The following MIS18A variants were observed in gnomAD, a reference collection of about 807,000 sequenced individuals.
MIS18A encodes protein Mis18-alpha.
Under a neutral mutation model 25.0 loss-of-function variants are expected in MIS18A, and 14 were observed. The ratio of observed to expected loss-of-function variants is 0.56; its 90% CI spans 0.37 to 0.88. The LOEUF (loss-of-function observed/expected upper bound fraction) is 0.88. Among genes scored for constraint, MIS18A ranks in the 40% least tolerant of loss-of-function variants. MIS18A has a pLI of 0.00. For synonymous variants in MIS18A, 134 were observed against 118.6 expected (o/e 1.13, Z -0.84); for missense variants, 292 against 290.8 (o/e 1.00, Z -0.03).
the MIS18A span, among the ~76,000 whole-genome samples, chr21:32,231,496 G>A: frequency 2.6e-5 from 4 of 152,090 alleles, no homozygotes; most frequent in Non-Finnish European, 4.4e-5. Context: ...GCGATATCAC[G>A]TCACACCCAC....
the MIS18A span, among the ~76,000 whole-genome samples, chr21:32,263,142 G>A: frequency 2.6e-5 from 4 of 152,108 alleles, no homozygotes; most frequent in Non-Finnish European, 4.4e-5. Flanking sequence ...ATTGTCTCTG[G>A]GTGTTCACTG....
At chr21:32,211,950 C>T in the MIS18A span, among the ~76,000 whole-genome samples, 1 of 152,182 alleles carries the variant, frequency 6.6e-6, no homozygotes, top group Non-Finnish European at 1.5e-5. Context: ...CATACCCTAT[C>T]TCTCCCCTGG....
the MIS18A span, among the ~76,000 whole-genome samples, chr21:32,218,367 C>T: frequency 3.9e-5 from 6 of 152,012 alleles, no homozygotes; most frequent in African/African-American, 1.2e-4. Context: ...AAGATAACTA[C>T]GTAGTAAGTA....
At chr21:32,276,387 G>A (rs1238861363) in intron 1 of MIS18A, among the ~76,000 whole-genome samples, 1 of 146,240 alleles carries the variant, frequency 6.8e-6, no homozygotes, top group Non-Finnish European at 1.5e-5. Flanking sequence ...CGTGAACCCG[G>A]GAGGTGGAGC....
rs35391189 is a variant in MIS18A at position 32,276,235 on chromosome 21, C to T, written c.335-1339G>A. 3.9e-3 allele frequency among the ~76,000 whole-genome samples: 595 copies of T among 151,700 alleles called. 4 individuals are homozygous for T. The highest frequency in any genetic ancestry group is 6.7e-3 in the Non-Finnish European group (452 of 67,856). Reference sequence around the variant, plus strand: ...CAGCACTTTGGGAGGCCGAGGCAGGCGGATCATGAGGTCAGGAGATCGAGA... The same window carrying T: ...CAGCACTTTGGGAGGCCGAGGCAGGTGGATCATGAGGTCAGGAGATCGAGA... On this transcript the variant is annotated intron_variant, in intron 1 of 4. Transcript: ENST00000290130.
chr21:32,204,504 A>G, the MIS18A span, among the ~76,000 whole-genome samples: 318 of 148,896 alleles, frequency 2.1e-3, no homozygotes, highest in African/African-American at 7.6e-3. Flanking sequence ...CTCAGAAAAA[A>G]AAGAAAAAAG....
At chr21:32,217,776 C>G in the MIS18A span, among the ~76,000 whole-genome samples, 2 of 151,884 alleles carry the variant, frequency 1.3e-5, no homozygotes, top group African/African-American at 4.8e-5. Context: ...CATCAGAATC[C>G]ATGGAATCGG....
chr21:32,242,272 G>A, the MIS18A span, among the ~76,000 whole-genome samples: 1 of 152,206 alleles, frequency 6.6e-6, no homozygotes, highest in African/African-American at 2.4e-5. Flanking sequence ...GGATGATAAG[G>A]CTCCATGGCC....
the MIS18A span, among the ~76,000 whole-genome samples, chr21:32,211,161 C>G: frequency 6.6e-6 from 1 of 152,170 alleles, no homozygotes; most frequent in Non-Finnish European, 1.5e-5. Flanking sequence ...CTGTCTCAGC[C>G]TCCCATGTAG....
At chr21:32,211,961 C>T in the MIS18A span, among the ~76,000 whole-genome samples, 1 of 152,182 alleles carries the variant, frequency 6.6e-6, no homozygotes, top group Non-Finnish European at 1.5e-5. Flanking sequence ...TCTCCCCTGG[C>T]ACTCTGATTT....
downstream of MIS18A, among the ~76,000 whole-genome samples, chr21:32,265,545 G>A (rs544790551): frequency 3.1e-4 from 47 of 152,332 alleles, no homozygotes; most frequent in African/African-American, 1.0e-3. Flanking sequence ...TGGATTTCTC[G>A]CCAGGCCTTA....
chr21:32,231,522 C>A, the MIS18A span, among the ~76,000 whole-genome samples: 2 of 152,080 alleles, frequency 1.3e-5, no homozygotes, highest in African/African-American at 4.8e-5. Context: ...TGGCTAGAAT[C>A]TAAAAGACAG....
the MIS18A span, among the ~76,000 whole-genome samples, chr21:32,172,106 T>C: frequency 6.6e-6 from 1 of 151,962 alleles, no homozygotes; most frequent in Admixed American, 6.6e-5. Flanking sequence ...CCTCACACCT[T>C]TTAGGATGGC....
the MIS18A span, among the ~76,000 whole-genome samples, chr21:32,212,951 C>A: frequency 6.6e-6 from 1 of 152,182 alleles, no homozygotes; most frequent in Non-Finnish European, 1.5e-5. Context: ...ATTACCCAGT[C>A]TCGGGTATAT....
the MIS18A span, among the ~76,000 whole-genome samples, chr21:32,158,039 G>C: frequency 6.6e-6 from 1 of 152,112 alleles, no homozygotes; most frequent in Admixed American, 6.5e-5. Context: ...AATTTGATAA[G>C]CATTTACAAT....
At chr21:32,243,276 G>T in the MIS18A span, among the ~76,000 whole-genome samples, 11 of 152,100 alleles carry the variant, frequency 7.2e-5, no homozygotes, top group African/African-American at 2.4e-4. Context: ...TCAGTGAAAA[G>T]TTAAGAGAAT....
At chr21:32,277,828 T>G (rs1470519470) in intron 1 of MIS18A, 1 of 152,158 alleles carries the variant, frequency 6.6e-6, no homozygotes, top group African/African-American at 2.4e-5. Context: ...CAACTTTCAG[T>G]TAACTACTGG....
In MIS18A at chr21:32,277,634, G is replaced by A. The variant is rs548862023; in HGVS notation, c.334+1047C>T. Among the ~76,000 whole-genome samples the A allele has an allele frequency of 6.2e-3, 950 of 152,108 alleles. 10 individuals carry two copies. The highest frequency in any genetic ancestry group is 0.022 in the African/African-American group (915 of 41,516). On this transcript the variant is annotated intron_variant, in intron 1 of 4. Transcript: ENST00000290130. Reference sequence around the variant, plus strand: ...TGCCCGGCTAATTTTTTATTTTGGCGAGGCTGATCTGGAATTTTTGTATTT... The same window carrying A: ...TGCCCGGCTAATTTTTTATTTTGGCAAGGCTGATCTGGAATTTTTGTATTT...
chr21:32,171,305 T>A, the MIS18A span, among the ~76,000 whole-genome samples: 2 of 152,034 alleles, frequency 1.3e-5, no homozygotes, highest in South Asian at 2.1e-4. Flanking sequence ...AACAAGATAG[T>A]CTACAAGATC....
Sources: gnomAD v4.1 joint callset for allele counts (sites outside exome capture counted in the v4.1 genomes callset) on GRCh38, gnomAD v4.1.1 for gene constraint, MANE v1.5 for transcripts, NCBI Gene and HGNC (gene_info 2026-07-23, HGNC 2026-07-21) for gene names.